CCDC12: variants seen among roughly 807,000 people sequenced by gnomAD.
The protein encoded by CCDC12 is coiled-coil domain containing 12.
Under a neutral mutation model 25.7 loss-of-function variants are expected in CCDC12, and 28 were observed. That is an observed-to-expected ratio of 1.09 (90% CI 0.81 to 1.50). The LOEUF is 1.50. Ranked by LOEUF, CCDC12 falls within the 40% of genes most tolerant of loss-of-function variation. The pLI, the probability that CCDC12 is intolerant of heterozygous loss-of-function variation, is 0.00. For synonymous variants in CCDC12, 75 were observed against 87.7 expected (o/e 0.86, Z 0.81); for missense variants, 198 against 210.0 (o/e 0.94, Z 0.35).
intron 1 of CCDC12, among the ~76,000 whole-genome samples, chr3:46,959,054 G>A (rs1318986853): frequency 1.8e-5 from 2 of 111,090 alleles, no homozygotes; most frequent in Non-Finnish European, 4.5e-5. Context: ...AGAAGTAAAG[G>A]TAAGACAGCT....
Position 46,951,200 on chromosome 3 carries a change from T to G in CCDC12, c.97-10135A>C, listed in dbSNP as rs143681697. 2.3e-4 allele frequency among the ~76,000 whole-genome samples: 34 copies of G among 149,072 alleles called. 1 individual carries two copies. The East Asian group carries it at 6.5e-3, about 28-fold the overall frequency. On this transcript the variant is annotated intron_variant, in intron 1 of 6. Coordinates refer to ENST00000683445, the MANE Select transcript of CCDC12 (RefSeq NM_001277074.2). ...CTCACCGAAACAGAGACTAGATGGG[T>G]GGTTACAGAGGCTGGAGTTGCAGGA...
chr3:46,961,579 T>C (rs1559562884), intron 1 of CCDC12, among the ~76,000 whole-genome samples: 1 of 152,052 alleles, frequency 6.6e-6, no homozygotes, highest in African/African-American at 2.4e-5. Context: ...GGGCTCAGAG[T>C]CACAGGACGC....
chr3:46,946,478 TG>T (rs2033911914), intron 1 of CCDC12, among the ~76,000 whole-genome samples: 1 of 152,242 alleles, frequency 6.6e-6, no homozygotes. Context: ...GAGTGGTAAC[TG>T]CCTACAAAGA....
chr3:46,943,514 A>G (rs1429255702), intron 1 of CCDC12, among the ~76,000 whole-genome samples: 2 of 152,230 alleles, frequency 1.3e-5, no homozygotes, highest in Admixed American at 6.5e-5. Context: ...TCCTTTCCAC[A>G]GGGGTTCTGT....
At chr3:46,923,514 C>A in intron 4 of CCDC12, 93 bp downstream of exon 4, 1 of 1,468,044 alleles carries the variant, frequency 6.8e-7, no homozygotes, top group Non-Finnish European at 9.4e-7. Flanking sequence ...AAAGAAGTGA[C>A]GAGAAGGAAT....
At chr3:46,980,723 C>T (rs1404682459), upstream of CCDC12, among the ~76,000 whole-genome samples, 1 of 152,122 alleles carries the variant, frequency 6.6e-6, no homozygotes, top group East Asian at 1.9e-4. Context: ...GGTGTCCCAT[C>T]AGCTGAGAAC....
intron 1 of CCDC12, 172 bp downstream of exon 1, chr3:46,976,465 A>C (rs975742214): frequency 1.4e-6 from 2 of 1,426,950 alleles, no homozygotes; most frequent in African/African-American, 2.9e-5. Flanking sequence ...GTCCCACGCC[A>C]AGCAGCCCCA....
chr3:46,962,584 AAGG>A (rs1402406367), intron 1 of CCDC12, among the ~76,000 whole-genome samples: 3 of 152,204 alleles, frequency 2.0e-5, no homozygotes, highest in South Asian at 4.1e-4. Context: ...ACTGAATAAA[AAGG>A]AGAAGAGGTG....
chr3:46,979,585 C>A (rs1281843057), upstream of CCDC12: 1 of 261,830 alleles, frequency 3.8e-6, no homozygotes, highest in Non-Finnish European at 7.2e-6. Context: ...TCCTGCCAGG[C>A]TCTCCGCCCT....
At chr3:46,957,045 T>A (rs182098188) in intron 1 of CCDC12, among the ~76,000 whole-genome samples, 236 of 152,134 alleles carry the variant, frequency 1.6e-3, no homozygotes, top group African/African-American at 5.5e-3. Flanking sequence ...CCACCTTGAG[T>A]CTTGGGGGAG....
At chr3:46,934,252 A>T (rs1019902336) in intron 2 of CCDC12, among the ~76,000 whole-genome samples, 4 of 152,192 alleles carry the variant, frequency 2.6e-5, no homozygotes, top group Admixed American at 1.3e-4. Flanking sequence ...TCACCCTCCC[A>T]GGGCCCAATC....
At chr3:46,954,116 CAG>C (rs34009208) in intron 1 of CCDC12, among the ~76,000 whole-genome samples, 143,467 of 152,194 alleles carry the variant, frequency 0.94, 68,237 homozygotes, top group East Asian at 1. Flanking sequence ...AGTGGACAGT[CAG>C]AGGAATCAGG....
At chr3:46,935,017 T>C (rs1378238042) in intron 2 of CCDC12, among the ~76,000 whole-genome samples, 1 of 152,218 alleles carries the variant, frequency 6.6e-6, no homozygotes, top group Admixed American at 6.5e-5. Context: ...AGGCCTGGCA[T>C]TGGCTGGACT....
rs1180928173 is a variant in CCDC12, at chr3:46,976,635, A to G, written c.96+2T>C. 1.2e-6 allele frequency: 2 copies of G among 1,609,046 alleles called. No individual in the cohort carries two copies. The highest frequency in any genetic ancestry group is 1.7e-5 in the Admixed American group (1 of 59,618). ...CTGCGACCCTCACTCCACACTTCTC[A>G]CCTTGCGCCCGGTTTTCTCCCGTAG... On this transcript the variant is annotated splice_donor_variant, in intron 1 of 6. Transcript: ENST00000683445. LOFTEE classifies it high-confidence loss of function.
intron 3 of CCDC12, among the ~76,000 whole-genome samples, chr3:46,924,329 G>GACCTGGGCAGTTCCTC (rs2032840950): frequency 6.6e-6 from 1 of 152,170 alleles, no homozygotes; most frequent in African/African-American, 2.4e-5. Context: ...GGCTTCCCCT[G>GACCTGGGCAGTTCCTC]ACCTGGGCAG....
chr3:46,924,923 T>G, intron 3 of CCDC12: 1 of 220,252 alleles, frequency 4.5e-6, no homozygotes, highest in Non-Finnish European at 9.4e-6. Context: ...CTTCCTGGCA[T>G]GAGTGGTGTG....
chr3:46,966,291 C>T (rs1366209457), intron 1 of CCDC12, among the ~76,000 whole-genome samples: 1 of 152,084 alleles, frequency 6.6e-6, no homozygotes, highest in Non-Finnish European at 1.5e-5. Flanking sequence ...AGCAGGGAGA[C>T]GACTTGAGAC....
At chr3:46,939,259 G>C (rs936162134) in intron 2 of CCDC12, among the ~76,000 whole-genome samples, 1 of 152,202 alleles carries the variant, frequency 6.6e-6, no homozygotes, top group Non-Finnish European at 1.5e-5. Context: ...TCAACACCAT[G>C]TTTGAGATTC....
chr3:46,931,109 G>T (rs1351431493), intron 2 of CCDC12, among the ~76,000 whole-genome samples: 2 of 152,236 alleles, frequency 1.3e-5, no homozygotes, highest in Non-Finnish European at 2.9e-5. Flanking sequence ...GAGAGGGCAG[G>T]AATGTGGCTG....
Sources: allele counts gnomAD v4.1 joint callset (sites outside exome capture counted in the v4.1 genomes callset), GRCh38; gene constraint gnomAD v4.1.1; transcripts MANE v1.5; gene names NCBI Gene and HGNC (gene_info 2026-07-23, HGNC 2026-07-21).